The following PPP4R3A variants were observed in gnomAD, a reference collection of about 807,000 sequenced individuals.
PPP4R3A encodes protein phosphatase 4 regulatory subunit 3A, also known as serine/threonine-protein phosphatase 4 regulatory subunit 3A.
A neutral mutation model predicts 91.7 loss-of-function variants in PPP4R3A; 15 were observed. That is an observed-to-expected ratio of 0.16 (90% CI 0.11 to 0.25). PPP4R3A has a LOEUF of 0.25. Among genes scored for constraint, PPP4R3A ranks in the 10% least tolerant of loss-of-function variants. PPP4R3A has a pLI of 1.00. For missense variants in PPP4R3A, 623 were observed against 998.4 expected, an observed-to-expected ratio of 0.62 and a Z score of 5.07; for synonymous variants, 377 against 348.7, an observed-to-expected ratio of 1.08 and a Z score of -0.91.
intron 10 of PPP4R3A, among the ~76,000 whole-genome samples, chr14:91,467,675 T>C (rs1208010037): frequency 2.0e-5 from 3 of 152,150 alleles, no homozygotes; most frequent in Non-Finnish European, 2.9e-5. Flanking sequence ...GCCAAGGAAA[T>C]TGATAGATGT....
chr14:91,462,009 A>T, intron 13 of PPP4R3A, 40 bp downstream of exon 13: 1 of 1,456,488 alleles, frequency 6.9e-7, no homozygotes, highest in Non-Finnish European at 9.0e-7. Flanking sequence ...CTAGAGTAAG[A>T]AAGCCTTAAT....
At chr14:91,486,761 A>C (rs1595072805) in intron 2 of PPP4R3A, among the ~76,000 whole-genome samples, 1 of 151,764 alleles carries the variant, frequency 6.6e-6, no homozygotes, top group East Asian at 1.9e-4. Context: ...AAAATACAAA[A>C]ATTAGCCGGG....
At chr14:91,481,434 T>G (rs1889552855) in intron 4 of PPP4R3A, 142 bp downstream of exon 4, 1 of 847,750 alleles carries the variant, frequency 1.2e-6, no homozygotes, top group Admixed American at 3.6e-5. Context: ...GTATTATTAT[T>G]GTATATTATA....
intron 14 of PPP4R3A, among the ~76,000 whole-genome samples, chr14:91,459,900 C>G (rs1052442551): frequency 6.6e-6 from 1 of 151,790 alleles, no homozygotes; most frequent in African/African-American, 2.4e-5. Context: ...TGAGGGTAGA[C>G]AGGCTTTTTC....
intron 4 of PPP4R3A, among the ~76,000 whole-genome samples, chr14:91,480,051 CTT>C (rs1354188485): frequency 6.6e-6 from 1 of 152,086 alleles, no homozygotes; most frequent in African/African-American, 2.4e-5. Context: ...CTCTCAGAGA[CTT>C]TGACTCAGGT....
chr14:91,458,679 C>CT lies in PPP4R3A; in HGVS notation c.*79dup, dbSNP rs756474330. The CT allele has an allele frequency of 1.2e-6, 2 of 1,605,194 alleles. No individual in the cohort carries two copies. The highest frequency in any genetic ancestry group is 2.2e-5 in the South Asian group (2 of 90,528). ...CAGTCATTCACAAGAGACCACTGCG[C>CT]TTTGTTGTGGATTTTGTATGGGGGA... On this transcript the variant is annotated 3_prime_UTR_variant, in exon 15 of 15. Coordinates refer to ENST00000554943, the MANE Select transcript of PPP4R3A (RefSeq NM_001366432.2).
chr14:91,481,880 C>G lies in PPP4R3A; in HGVS notation c.611G>C (p.Arg204Pro). The change falls in exon 4 of 15, where the codon CGA becomes CCA. Residue 204 changes from arginine (R) to proline (P), a missense_variant. Transcript: ENST00000554943. Reference protein sequence around the residue: ...EIIKGIFLLNRTALFEVMFSE... With the variant: ...EIIKGIFLLNPTALFEVMFSE... ...GAACATAACTTCAAAAAGAGCAGTTCGATTCAAGAGAAAGATGCCTTTGAT... is the reference window on the plus strand; with the variant it reads ...GAACATAACTTCAAAAAGAGCAGTTGGATTCAAGAGAAAGATGCCTTTGAT... The G allele has an allele frequency of 6.2e-7, 1 of 1,614,048 alleles. No homozygotes were observed. Among genetic ancestry groups the G allele is most frequent in the Non-Finnish European group, 8.5e-7 (1 of 1,180,024 alleles).
intron 1 of PPP4R3A, among the ~76,000 whole-genome samples, chr14:91,508,546 T>C (rs544415871): frequency 9.8e-5 from 15 of 152,326 alleles, no homozygotes; most frequent in African/African-American, 1.4e-4. Flanking sequence ...AATTTGAGAA[T>C]AGTTTTACCC....
intron 9 of PPP4R3A, 70 bp downstream of exon 9, chr14:91,472,963 T>G: frequency 7.0e-7 from 1 of 1,435,500 alleles, no homozygotes; most frequent in Non-Finnish European, 9.6e-7. Flanking sequence ...CTAAAAAGAC[T>G]GACTTAACAC....
Position 91,458,397 on chromosome 14 carries a change from C to CTGAG in PPP4R3A, c.*358_*361dup, listed in dbSNP as rs1182254341. 2.8e-5 allele frequency: 8 copies of CTGAG among 287,612 alleles called. No individual in the cohort carries two copies. The East Asian group carries it at 6.9e-4, about 25-fold the overall frequency. 17.8% of individuals were successfully genotyped at this position (287,612 alleles called of 1,614,324 possible). On this transcript the variant is annotated 3_prime_UTR_variant, in exon 15 of 15. Coordinates refer to ENST00000554943, the MANE Select transcript of PPP4R3A (RefSeq NM_001366432.2). ...AATTATGGCAGAAAGGCCCATTCTT[C>CTGAG]TGAGTCTCAAACATGGTCCAAGAAA...
At chr14:91,460,320 GCTTT>G (rs986529507) in intron 14 of PPP4R3A, among the ~76,000 whole-genome samples, 2 of 151,944 alleles carry the variant, frequency 1.3e-5, no homozygotes, top group African/African-American at 4.8e-5. Context: ...GCTGCTGCTT[GCTTT>G]ATTTCGATGC....
At chr14:91,460,911 GCCCAGCCCTTGTTCATTTCT>G (rs1441018339) in intron 14 of PPP4R3A, among the ~76,000 whole-genome samples, 2 of 152,146 alleles carry the variant, frequency 1.3e-5, no homozygotes, top group Non-Finnish European at 2.9e-5. Flanking sequence ...GAGCCACCGT[GCCCAGCCCTTGTTCATTTCT>G]TATATGAAAT....
At chr14:91,479,435 A>G (rs1186652393) in intron 4 of PPP4R3A, among the ~76,000 whole-genome samples, 2 of 151,206 alleles carry the variant, frequency 1.3e-5, no homozygotes, top group African/African-American at 4.9e-5. Flanking sequence ...TGGCATGATC[A>G]TTGCTCACTG....
Position 91,475,592 on chromosome 14 carries a change from G to A in PPP4R3A, c.1266+219C>T. 4 of 412,908 alleles carry A rather than the reference G, an allele frequency of 9.7e-6. No individual in the cohort carries two copies. The South Asian group carries it at 1.7e-4, about 18-fold the overall frequency. The allele number at this position is 412,908 out of a possible 1,614,324, so 25.6% of individuals were successfully genotyped here. A position where few individuals can be genotyped will look rare whatever the true frequency, so the allele number is the denominator to read the frequency against. On this transcript the variant is annotated intron_variant, in intron 7 of 14. Transcript: ENST00000554943. ...AAACAAAACAAAACAAAAAAAAACT[G>A]ACATGAATATTTTAAAAGGCAATTT... is the stretch of plus-strand genomic sequence containing the variant.
At position 91,475,800 on chromosome 14, in the gene PPP4R3A, A is replaced by G; in HGVS notation, c.1266+11T>C. 3 of 1,608,330 alleles carry G rather than the reference A, an allele frequency of 1.9e-6. No homozygotes were observed. Among genetic ancestry groups the G allele is most frequent in the Non-Finnish European group, 1.7e-6 (2 of 1,175,928 alleles). On this transcript the variant is annotated intron_variant, in intron 7 of 14. Transcript: ENST00000554943. Reference sequence around the variant, plus strand: ...GTATAAATACTTACTATTAGTACAAATAATATTTACCTTGCTGGTTATTTT... The same window carrying G: ...GTATAAATACTTACTATTAGTACAAGTAATATTTACCTTGCTGGTTATTTT...
chr14:91,508,532 T>C (rs1465372905), intron 1 of PPP4R3A, among the ~76,000 whole-genome samples: 2 of 152,224 alleles, frequency 1.3e-5, no homozygotes, highest in African/African-American at 4.8e-5. Flanking sequence ...CGTTTGGAAG[T>C]AACAATTTGA....
chr14:91,500,362 A>G (rs561328088), intron 1 of PPP4R3A, among the ~76,000 whole-genome samples: 1 of 152,164 alleles, frequency 6.6e-6, no homozygotes, highest in South Asian at 2.1e-4. Flanking sequence ...CACCACGCCC[A>G]GCTAATTTTT....
rs906392775 is a variant in PPP4R3A at position 91,510,037 on chromosome 14, G to GGCCGCC, written c.-396_-391dup. ...TTCCCGCGCCGCCGCCGCCTCCTCA[G>GGCCGCC]GCCGCCGCCGCCGCCGCCATATTTT... On this transcript the variant is annotated 5_prime_UTR_variant, in exon 1 of 15. Coordinates refer to ENST00000554943, the MANE Select transcript of PPP4R3A (RefSeq NM_001366432.2). 53 of 769,624 alleles carry GGCCGCC rather than the reference G, an allele frequency of 6.9e-5. No homozygotes were observed. Among genetic ancestry groups the GGCCGCC allele is most frequent in the African/African-American group, 6.6e-4 (35 of 53,116 alleles). The allele number at this position is 769,624 out of a possible 1,614,324, so 47.7% of individuals were successfully genotyped here.
chr14:91,482,802 C>A (rs1206141295), intron 3 of PPP4R3A, among the ~76,000 whole-genome samples: 1 of 152,122 alleles, frequency 6.6e-6, no homozygotes, highest in Non-Finnish European at 1.5e-5. Context: ...AGTCACTGAT[C>A]TTCTATAAAT....
Sources: allele counts gnomAD v4.1 joint callset (sites outside exome capture counted in the v4.1 genomes callset), GRCh38; gene constraint gnomAD v4.1.1; transcripts MANE v1.5; gene names NCBI Gene and HGNC (gene_info 2026-07-23, HGNC 2026-07-21).